The following TRPA1 variants were observed in gnomAD, a reference collection of about 807,000 sequenced individuals.
TRPA1 encodes transient receptor potential cation channel subfamily A member 1.
Under a neutral mutation model 131.3 loss-of-function variants are expected in TRPA1, and 129 were observed. The observed-to-expected ratio is 0.98, with a 90% confidence interval of 0.85 to 1.14. The LOEUF is 1.14. TRPA1 is among the 50% of genes most tolerant of loss of function. TRPA1 has a pLI of 0.00. For missense variants in TRPA1, 1,304 were observed against 1,354.2 expected, an observed-to-expected ratio of 0.96 and a Z score of 0.58; for synonymous variants, 441 against 451.7, an observed-to-expected ratio of 0.98 and a Z score of 0.30.
chr8:72,024,269 C>G (rs1349654913), intron 25 of TRPA1, among the ~76,000 whole-genome samples: 1 of 152,194 alleles, frequency 6.6e-6, no homozygotes, highest in Non-Finnish European at 1.5e-5. Flanking sequence ...TAAAACTGTA[C>G]TGCACATTAT....
intron 22 of TRPA1, 133 bp downstream of exon 22, chr8:72,034,114 AG>A: frequency 9.8e-7 from 1 of 1,020,832 alleles, no homozygotes; most frequent in Non-Finnish European, 1.4e-6. Flanking sequence ...TGAAAGATAT[AG>A]GAGATAAAAA....
At chr8:72,049,895 G>T (rs954085161) in intron 15 of TRPA1, among the ~76,000 whole-genome samples, 3 of 151,960 alleles carry the variant, frequency 2.0e-5, no homozygotes, top group Non-Finnish European at 4.4e-5. Context: ...CTAGGCACTG[G>T]AGCCCAATAT....
At chr8:72,074,505 G>C (rs1191749090) in intron 1 of TRPA1, among the ~76,000 whole-genome samples, 1 of 152,118 alleles carries the variant, frequency 6.6e-6, no homozygotes, top group African/African-American at 2.4e-5. Flanking sequence ...TTGTGATGAG[G>C]GTTTGGAGAG....
intron 15 of TRPA1, among the ~76,000 whole-genome samples, chr8:72,049,665 T>C (rs1805445144): frequency 6.6e-6 from 1 of 152,168 alleles, no homozygotes; most frequent in Non-Finnish European, 1.5e-5. Context: ...CTAGTGTGTA[T>C]TTAACGTAGC....
Position 72,026,075 on chromosome 8 carries a change from T to G in TRPA1, c.2938-2A>C, listed in dbSNP as rs1811597962. Reference sequence around the variant, plus strand: ...CTCTAAGCTGGTATGAAGTTCCACCTAAAGTGCATTTTGGATTTATTGATA... The same window carrying G: ...CTCTAAGCTGGTATGAAGTTCCACCGAAAGTGCATTTTGGATTTATTGATA... On this transcript the variant is annotated splice_acceptor_variant, in intron 24 of 26. Transcript: ENST00000262209. LOFTEE classifies it high-confidence loss of function. 1.2e-6 allele frequency: 2 copies of G among 1,611,792 alleles called. No homozygotes were observed. The highest frequency in any genetic ancestry group is 1.7e-6 in the Non-Finnish European group (2 of 1,177,992).
chr8:72,055,408 T>C, intron 12 of TRPA1, 28 bp downstream of exon 12: 2 of 1,604,480 alleles, frequency 1.2e-6, no homozygotes, highest in Non-Finnish European at 1.7e-6. Context: ...AAAGAAATTA[T>C]ATAAACACTC....
At chr8:72,075,242 C>T in intron 1 of TRPA1, 57 bp downstream of exon 1, 1 of 1,404,012 alleles carries the variant, frequency 7.1e-7, no homozygotes. Flanking sequence ...AGGAAACCTC[C>T]AGCCGACCCC....
At chr8:72,053,388 T>C (rs562239314) in intron 13 of TRPA1, 1 of 318,720 alleles carries the variant, frequency 3.1e-6, no homozygotes, top group Non-Finnish European at 6.1e-6. Flanking sequence ...AATAGCACAA[T>C]AAAGGGCAGC....
rs1317355038 is a variant in TRPA1, at chr8:72,046,558, T to A, written c.2016A>T (p.Lys672Asn). 1 of 1,601,984 alleles carries A rather than the reference T, an allele frequency of 6.2e-7. No homozygotes were observed. The change falls in exon 17 of 27, where the codon AAA (lysine) becomes AAT (asparagine). Residue 672 changes from lysine to asparagine, a missense_variant. Coordinates refer to ENST00000262209, the MANE Select transcript of TRPA1 (RefSeq NM_007332.3). ...YLQCPLEFTKKTPTQDVIYEP... is the reference protein window; with the variant it reads ...YLQCPLEFTKNTPTQDVIYEP... ...CATATATAACATCCTGTGTAGGTGT[T>A]TTTTTGGTGAATTCTAATGGACATT...
Position 72,021,618 on chromosome 8 carries a change from A to G in TRPA1, c.*1288T>C, listed in dbSNP as rs1250830279. The G allele has an allele frequency of 6.6e-6, 1 of 152,082 alleles. No homozygotes were observed. Among genetic ancestry groups the G allele is most frequent in the East Asian group, 1.9e-4 (1 of 5,180 alleles). 9.4% of individuals were successfully genotyped at this position (152,082 alleles called of 1,614,324 possible). On this transcript the variant is annotated 3_prime_UTR_variant, in exon 27 of 27. Coordinates refer to ENST00000262209, the MANE Select transcript of TRPA1 (RefSeq NM_007332.3). ...CCTCAGCACTCTGCTGGTTTGTATG[A>G]ACATCAGTATGTTTGAGAATGAGTG...
chr8:72,036,191 G>T (rs767670375), intron 21 of TRPA1, 97 bp downstream of exon 21: 22 of 1,280,696 alleles, frequency 1.7e-5, no homozygotes, highest in Non-Finnish European at 2.4e-5. Flanking sequence ...AACTGGAAAA[G>T]GAATAAGCCA....
intron 3 of TRPA1, among the ~76,000 whole-genome samples, chr8:72,068,244 A>T (rs1158120014): frequency 1.3e-5 from 2 of 152,218 alleles, no homozygotes; most frequent in Admixed American, 6.5e-5. Context: ...AGTTCCAAAT[A>T]GCCTACCTTA....
intron 12 of TRPA1, 98 bp from the exon 13 acceptor site, chr8:72,053,965 A>T: frequency 1.3e-6 from 1 of 798,644 alleles, no homozygotes; most frequent in East Asian, 2.7e-5. Context: ...TGATGACAAC[A>T]AAAAGCATTA....
At chr8:72,048,170 CTG>C (rs1027676645) in intron 15 of TRPA1, among the ~76,000 whole-genome samples, 2 of 152,122 alleles carry the variant, frequency 1.3e-5, no homozygotes, top group African/African-American at 4.8e-5. Context: ...GTGGGAACAA[CTG>C]TTTTTGTGGG....
intron 18 of TRPA1, among the ~76,000 whole-genome samples, chr8:72,039,502 AT>A (rs918948888): frequency 1.5e-4 from 23 of 151,846 alleles, no homozygotes; most frequent in African/African-American, 4.8e-4. Flanking sequence ...CAATGCCAGC[AT>A]TTTTTTTAAC....
the TRPA1 span, among the ~76,000 whole-genome samples, chr8:72,089,596 T>C: frequency 1.3e-5 from 2 of 152,240 alleles, no homozygotes; most frequent in South Asian, 4.1e-4. Context: ...TTCAAAAATA[T>C]ACTAATTTAT....
In TRPA1 at chr8:72,039,784, T is replaced by C; in HGVS notation, c.2075A>G (p.Asn692Ser). Reference sequence around the variant, plus strand: ...ATGATTGAGAAGCTCTATGCGGTTATTTTGTACCATTGCCTGAGAAATAAA... The same window carrying C: ...ATGATTGAGAAGCTCTATGCGGTTACTTTGTACCATTGCCTGAGAAATAAA... ...PLTALNAMVQ[N>S]NRIELLNHPV... Residue 692 changes from asparagine to serine, a missense_variant, in exon 18 of 27, where the codon AAT becomes AGT. By Grantham distance (46) the Asn-to-Ser change is conservative. Transcript: ENST00000262209. 6.2e-7 allele frequency: 1 copy of C among 1,607,752 alleles called. No individual in the cohort carries two copies. Among genetic ancestry groups the C allele is most frequent in the South Asian group, 1.1e-5 (1 of 90,964 alleles).
chr8:72,069,897 C>G (rs1585891165), intron 2 of TRPA1, among the ~76,000 whole-genome samples: 1 of 152,080 alleles, frequency 6.6e-6, no homozygotes, highest in African/African-American at 2.4e-5. Flanking sequence ...CAGCAGAGTG[C>G]CTGGCCTGTA....
intron 13 of TRPA1, chr8:72,053,034 A>AGAGG: frequency 2.6e-6 from 1 of 385,770 alleles, no homozygotes; most frequent in African/African-American, 2.1e-5. Context: ...AGAGAGAGAG[A>AGAGG]GAGAGAGAGA....
Sources: allele counts gnomAD v4.1 joint callset (sites outside exome capture counted in the v4.1 genomes callset), GRCh38; gene constraint gnomAD v4.1.1; transcripts MANE v1.5; gene names NCBI Gene and HGNC (gene_info 2026-07-23, HGNC 2026-07-21).